The following DLGAP2 variants were observed in gnomAD, a reference collection of about 807,000 sequenced individuals.
The protein encoded by DLGAP2 is DLG associated protein 2.
A neutral mutation model predicts 100.3 loss-of-function variants in DLGAP2; 26 were observed. The observed-to-expected ratio is 0.26, with a 90% confidence interval of 0.19 to 0.36. DLGAP2 has a LOEUF of 0.36. DLGAP2 is among the 10% of genes least tolerant of loss of function. The probability of loss-of-function intolerance (pLI) is 1.00; values close to 1 mark genes in which losing one functional copy is unlikely to be tolerated. For missense variants in DLGAP2, 1,858 were observed against 1,453.2 expected (o/e 1.28, Z -4.53); for synonymous variants, 886 against 630.1 (o/e 1.41, Z -6.08).
At chr8:1,389,352 A>G (rs1033387577) in intron 3 of DLGAP2, among the ~76,000 whole-genome samples, 8 of 151,910 alleles carry the variant, frequency 5.3e-5, no homozygotes, top group Non-Finnish European at 1.2e-4. Context: ...GGGTGGCTGC[A>G]GCATCCCGGG....
At chr8:1,539,419 T>C (rs1227746464) in intron 4 of DLGAP2, among the ~76,000 whole-genome samples, 1 of 151,932 alleles carries the variant, frequency 6.6e-6, no homozygotes, top group East Asian at 1.9e-4. Flanking sequence ...TGGCGACTGT[T>C]CCTATGATGG....
At chr8:1,409,750 A>G (rs1013564821) in intron 3 of DLGAP2, among the ~76,000 whole-genome samples, 4 of 152,152 alleles carry the variant, frequency 2.6e-5, no homozygotes, top group African/African-American at 9.7e-5. Context: ...GAACTGAAAG[A>G]GGAAGGGAGG....
At chr8:1,635,256 A>T (rs1311857422) in intron 8 of DLGAP2, among the ~76,000 whole-genome samples, 1 of 152,230 alleles carries the variant, frequency 6.6e-6, no homozygotes, top group Non-Finnish European at 1.5e-5. Context: ...CAAAGAAATG[A>T]AAACTCCCAG....
chr8:1,577,174 T>C (rs1803013138), intron 6 of DLGAP2, among the ~76,000 whole-genome samples: 1 of 152,206 alleles, frequency 6.6e-6, no homozygotes. Flanking sequence ...ATATTTCAGC[T>C]GATAGCTGTG....
intron 2 of DLGAP2, among the ~76,000 whole-genome samples, chr8:1,102,598 A>T (rs1425590224): frequency 7.2e-6 from 1 of 139,388 alleles, no homozygotes; most frequent in Non-Finnish European, 1.6e-5. Flanking sequence ...AAGTCCATGC[A>T]ATTCTGATAA....
intron 6 of DLGAP2, among the ~76,000 whole-genome samples, chr8:1,593,964 G>C (rs1398016967): frequency 6.6e-6 from 1 of 152,204 alleles, no homozygotes; most frequent in African/African-American, 2.4e-5. Flanking sequence ...TTGGAGCTCT[G>C]TTGGGTCCAG....
chr8:1,579,587 T>C (rs924143102), intron 6 of DLGAP2, among the ~76,000 whole-genome samples: 2 of 151,866 alleles, frequency 1.3e-5, no homozygotes, highest in Non-Finnish European at 2.9e-5. Flanking sequence ...GCCTTACAAA[T>C]CAATAAAGAA....
At chr8:1,503,504 G>A (rs1487067438) in intron 4 of DLGAP2, among the ~76,000 whole-genome samples, 1 of 152,130 alleles carries the variant, frequency 6.6e-6, no homozygotes, top group African/African-American at 2.4e-5. Context: ...GGACCACACT[G>A]GTTTCCATTC....
chr8:965,707 C>T lies in DLGAP2; in HGVS notation c.73+57741C>T, dbSNP rs1297364803. ...CTGTTCACCTCACACGGCTCCTGAG[C>T]CCAACCCCCGCGTGCACACGGCACT... On this transcript the variant is annotated intron_variant, in intron 2 of 14. Coordinates refer to ENST00000637795, the MANE Select transcript of DLGAP2 (RefSeq NM_001346810.2). Among the ~76,000 whole-genome samples, 61 of 132,168 alleles carry T rather than the reference C, an allele frequency of 4.6e-4. 2 individuals are homozygous for T. The highest frequency in any genetic ancestry group is 1.5e-3 in the African/African-American group (50 of 33,676). 86.7% of individuals were successfully genotyped at this position (132,168 alleles called of 152,430 possible).
At chr8:1,647,163 C>G (rs76521909) in intron 8 of DLGAP2, among the ~76,000 whole-genome samples, 1 of 152,102 alleles carries the variant, frequency 6.6e-6, no homozygotes, top group Non-Finnish European at 1.5e-5. Context: ...GACAGTCCCC[C>G]AGCTGGTTGC....
chr8:1,653,623 C>G lies in DLGAP2; in HGVS notation c.1811-14706C>G, dbSNP rs190369812. Reference sequence around the variant, plus strand: ...TCAGATCCGTGGGCAGAGGGCAAGTCAGGATGTTTGGGCTGTAAATTGCAG... The same window carrying G: ...TCAGATCCGTGGGCAGAGGGCAAGTGAGGATGTTTGGGCTGTAAATTGCAG... On this transcript the variant is annotated intron_variant, in intron 8 of 14. Transcript: ENST00000637795. 1.4e-3 allele frequency among the ~76,000 whole-genome samples: 212 copies of G among 152,288 alleles called. 2 individuals are homozygous for G. Among genetic ancestry groups the G allele is most frequent in the African/African-American group, 4.7e-3 (197 of 41,558 alleles).
At chr8:1,593,410 G>A (rs1229828364) in intron 6 of DLGAP2, among the ~76,000 whole-genome samples, 2 of 151,916 alleles carry the variant, frequency 1.3e-5, no homozygotes, top group African/African-American at 2.4e-5. Context: ...AGCCGAGATC[G>A]CGCCACTGCA....
intron 1 of DLGAP2, among the ~76,000 whole-genome samples, chr8:763,710 G>A (rs62485574): frequency 0.041 from 6,163 of 151,554 alleles, 178 homozygotes; most frequent in Non-Finnish European, 0.06. Flanking sequence ...TGTGTCCTTC[G>A]TCTCAAAGAC....
intron 3 of DLGAP2, chr8:1,302,681 A>C (rs1800385544): frequency 6.6e-6 from 1 of 152,282 alleles, no homozygotes; most frequent in Non-Finnish European, 1.5e-5. Flanking sequence ...TTTAGTCATC[A>C]GATCGTCCTA....
rs570773802 is a variant in DLGAP2, at chr8:1,173,362, C to G, written c.74-85489C>G. On this transcript the variant is annotated intron_variant, in intron 2 of 14. Transcript: ENST00000637795. ...GACCCACTTGAGGAGGCAGTCTGCC[C>G]GTTCTCAGATCTCCAGCTGTGTGCT... Among the ~76,000 whole-genome samples the G allele has an allele frequency of 7.2e-5, 11 of 152,296 alleles. No individual in the cohort carries two copies. The South Asian group carries it at 1.2e-3, about 17-fold the overall frequency.
chr8:1,549,220 G>T lies in DLGAP2; in HGVS notation c.767G>T (p.Gly256Val), dbSNP rs1432992254. ...LEGSSKSNAN[G>V]TKADGRADDH... ...GGCTCCTCCAAAAGCAACGCCAACG[G>T]CACCAAGGCGGACGGCCGGGCGGAC... The change falls in exon 5 of 15, where the codon GGC becomes GTC. Residue 256 changes from glycine (G) to valine (V), a missense_variant. Gly to Val is a moderately radical substitution (Grantham distance 109). Coordinates refer to ENST00000637795, the MANE Select transcript of DLGAP2 (RefSeq NM_001346810.2). 3 of 1,603,440 alleles carry T rather than the reference G, an allele frequency of 1.9e-6. No individual in the cohort carries two copies. In the African/African-American group the frequency reaches 4.0e-5, roughly 21 times the overall value.
chr8:1,134,540 A>AT (rs1403812033), intron 2 of DLGAP2, among the ~76,000 whole-genome samples: 4 of 152,160 alleles, frequency 2.6e-5, no homozygotes, highest in Non-Finnish European at 5.9e-5. Flanking sequence ...GCATTAATTA[A>AT]TGATAGAACT....
At chr8:1,559,254 G>A (rs1395312535) in intron 5 of DLGAP2, among the ~76,000 whole-genome samples, 4 of 152,288 alleles carry the variant, frequency 2.6e-5, no homozygotes, top group African/African-American at 4.8e-5. Context: ...GGTAGCCGTC[G>A]TGGAAAGAAA....
At chr8:1,169,219 C>G (rs917071518) in intron 2 of DLGAP2, among the ~76,000 whole-genome samples, 9 of 152,102 alleles carry the variant, frequency 5.9e-5, no homozygotes, top group African/African-American at 1.9e-4. Context: ...TCTGAGGGCT[C>G]TGTTCTGTAC....
Sources: gnomAD v4.1 joint callset for allele counts (sites outside exome capture counted in the v4.1 genomes callset) on GRCh38, gnomAD v4.1.1 for gene constraint, MANE v1.5 for transcripts, NCBI Gene and HGNC (gene_info 2026-07-23, HGNC 2026-07-21) for gene names.